ABCA13: variants seen among roughly 807,000 people sequenced by gnomAD.
ABCA13 encodes ATP-binding cassette sub-family A member 13.
In ABCA13, 476 loss-of-function variants were observed where a neutral mutation model predicts 478.7. That is an observed-to-expected ratio of 0.99 (90% CI 0.92 to 1.07). The LOEUF (loss-of-function observed/expected upper bound fraction) is 1.07, where lower values mean the gene tolerates loss of function less well. Among genes scored for constraint, ABCA13 ranks in the 50% least tolerant of loss-of-function variants. ABCA13 has a pLI of 0.00. For synonymous variants in ABCA13, 2,252 were observed against 2,158.9 expected, an observed-to-expected ratio of 1.04 and a Z score of -1.20; for missense variants, 6,060 against 5,910.6, an observed-to-expected ratio of 1.03 and a Z score of -0.83.
chr7:48,274,795 T>A lies in ABCA13; in HGVS notation c.5129T>A (p.Val1710Asp). 1 of 1,613,988 alleles carries A rather than the reference T, an allele frequency of 6.2e-7. No homozygotes were observed. The highest frequency in any genetic ancestry group is 8.5e-7 in the Non-Finnish European group (1 of 1,179,872). The change falls in exon 17 of 62, where the codon GTT becomes GAT. Residue 1710 changes from valine (V) to aspartate (D), a missense_variant. Transcript: ENST00000435803. ...GGCAATTTAGTGGTCAATTTGCTTG[T>A]TGGCTTGATGGAAAAATTTGCAGAC... ...GTGNLVVNLL[V>D]GLMEKFADSS...
At chr7:48,376,362 A>G (rs1294642819) in intron 34 of ABCA13, 79 bp from the exon 35 acceptor site, 2 of 1,521,586 alleles carry the variant, frequency 1.3e-6, no homozygotes, top group Non-Finnish European at 1.8e-6. Flanking sequence ...GAGCTTCCAG[A>G]AGTAATGAAC....
chr7:48,211,062 A>G (rs1447401850), intron 3 of ABCA13, among the ~76,000 whole-genome samples: 12 of 152,092 alleles, frequency 7.9e-5, no homozygotes, highest in Non-Finnish European at 1.3e-4. Flanking sequence ...TTTATATTAC[A>G]TTTCGCTGTC....
intron 59 of ABCA13, among the ~76,000 whole-genome samples, chr7:48,628,479 C>A (rs1032292223): frequency 6.6e-6 from 1 of 152,166 alleles, no homozygotes; most frequent in Non-Finnish European, 1.5e-5. Flanking sequence ...ACCTGTGAAG[C>A]GGAGCAATAA....
At chr7:48,597,090 T>C (rs902942799) in intron 58 of ABCA13, among the ~76,000 whole-genome samples, 1 of 152,038 alleles carries the variant, frequency 6.6e-6, no homozygotes, top group South Asian at 2.1e-4. Flanking sequence ...TAGCTGGGAC[T>C]ACAGGCACCT....
At chr7:48,531,129 A>G (rs955210000) in intron 55 of ABCA13, among the ~76,000 whole-genome samples, 1 of 152,144 alleles carries the variant, frequency 6.6e-6, no homozygotes, top group African/African-American at 2.4e-5. Flanking sequence ...CAGGTCTTAG[A>G]TTTAAGTCTT....
chr7:48,198,502 G>A, intron 3 of ABCA13, 142 bp downstream of exon 3: 1 of 1,018,168 alleles, frequency 9.8e-7, no homozygotes, highest in Non-Finnish European at 1.4e-6. Context: ...ATTAAATTCA[G>A]AGTCATATAA....
At chr7:48,354,900 AT>A (rs1023552483) in intron 31 of ABCA13, among the ~76,000 whole-genome samples, 3 of 151,984 alleles carry the variant, frequency 2.0e-5, no homozygotes, top group Admixed American at 1.3e-4. Context: ...GTTTGTTAAA[AT>A]TTTTTTAGCA....
At chr7:48,440,075 A>G (rs1326559934) in intron 42 of ABCA13, among the ~76,000 whole-genome samples, 1 of 152,192 alleles carries the variant, frequency 6.6e-6, no homozygotes, top group Non-Finnish European at 1.5e-5. Flanking sequence ...ACCTTTACAT[A>G]TAAATTACAT....
At chr7:48,493,268 G>A (rs918921712) in intron 48 of ABCA13, among the ~76,000 whole-genome samples, 2 of 152,086 alleles carry the variant, frequency 1.3e-5, no homozygotes, top group African/African-American at 4.8e-5. Context: ...GGTTACTATA[G>A]TACATTCCAT....
chr7:48,224,022 T>A (rs1787787436), intron 5 of ABCA13, among the ~76,000 whole-genome samples: 1 of 140,804 alleles, frequency 7.1e-6, no homozygotes, highest in Non-Finnish European at 1.5e-5. Context: ...AGACAGAGAG[T>A]GTATATGACT....
chr7:48,403,686 T>C lies in ABCA13; in HGVS notation c.11877T>C (p.Thr3959=). ...KKELHQQVNQ[T]LQDVDLTQHQ... The stretch of plus-strand genomic sequence containing the variant: ...TGATGTTTTCTTCTAATTTCAGAAC[T>C]CTTCAGGATGTGGACTTAACTCAGC... The change falls in exon 39 of 62, where the codon ACT becomes ACC. Residue 3959 remains threonine (T), a synonymous_variant. Coordinates refer to ENST00000435803, the MANE Select transcript of ABCA13 (RefSeq NM_152701.5). The C allele has an allele frequency of 6.2e-7, 1 of 1,613,726 alleles. No individual in the cohort carries two copies.
At chr7:48,473,901 A>G (rs556175155) in intron 45 of ABCA13, among the ~76,000 whole-genome samples, 1 of 152,344 alleles carries the variant, frequency 6.6e-6, no homozygotes, top group African/African-American at 2.4e-5. Flanking sequence ...GTAAGCGGGA[A>G]TAGTGACACA....
intron 55 of ABCA13, among the ~76,000 whole-genome samples, chr7:48,564,996 A>G (rs1424904558): frequency 1.3e-5 from 2 of 152,274 alleles, no homozygotes; most frequent in African/African-American, 2.4e-5. Flanking sequence ...TTTTCTGGAT[A>G]GTTTTTAAAA....
intron 20 of ABCA13, among the ~76,000 whole-genome samples, chr7:48,293,633 G>A (rs7795198): frequency 0.47 from 70,843 of 152,038 alleles, 17,294 homozygotes; most frequent in East Asian, 0.79. Flanking sequence ...AGACATAGAT[G>A]TTATATGTTT....
chr7:48,579,356 A>G (rs1046699958), intron 55 of ABCA13, among the ~76,000 whole-genome samples: 14 of 152,384 alleles, frequency 9.2e-5, no homozygotes, highest in African/African-American at 3.4e-4. Context: ...ACAGATGCAA[A>G]TAAGTTCATA....
chr7:48,488,438 G>C (rs1000293478), intron 47 of ABCA13, among the ~76,000 whole-genome samples: 1 of 152,074 alleles, frequency 6.6e-6, no homozygotes, highest in African/African-American at 2.4e-5. Context: ...CATAAACTAC[G>C]ATAACTTGAA....
rs570145425 is a variant in ABCA13, at chr7:48,283,810, G to A, written c.8836+2358G>A. On this transcript the variant is annotated intron_variant, in intron 19 of 61. Coordinates refer to ENST00000435803, the MANE Select transcript of ABCA13 (RefSeq NM_152701.5). ...GAGTCAAACATGACTGTTAAAACAA[G>A]TGATGTCGTGAGAAGTGCTGTAATG... 2.6e-5 allele frequency among the ~76,000 whole-genome samples: 4 copies of A among 152,304 alleles called. No homozygotes were observed. In the South Asian group the frequency reaches 6.2e-4, roughly 24 times the overall value.
At chr7:48,333,758 T>G (rs1363094705) in intron 27 of ABCA13, among the ~76,000 whole-genome samples, 7 of 152,256 alleles carry the variant, frequency 4.6e-5, no homozygotes, top group African/African-American at 1.7e-4. Flanking sequence ...GTTGGGGAGA[T>G]GGAGCCTCCA....
intron 45 of ABCA13, among the ~76,000 whole-genome samples, chr7:48,471,800 C>T (rs966484729): frequency 1.2e-4 from 18 of 152,196 alleles, no homozygotes; most frequent in African/African-American, 4.1e-4. Context: ...TTGACAGTGC[C>T]CCTCTCCTTC....
Sources: allele counts gnomAD v4.1 joint callset (sites outside exome capture counted in the v4.1 genomes callset), GRCh38; gene constraint gnomAD v4.1.1; transcripts MANE v1.5; gene names NCBI Gene and HGNC (gene_info 2026-07-23, HGNC 2026-07-21).